PPFIA2: variants seen among roughly 807,000 people sequenced by gnomAD.
The protein encoded by PPFIA2 is liprin-alpha-2.
A neutral mutation model predicts 175.5 loss-of-function variants in PPFIA2; 46 were observed. The ratio of observed to expected loss-of-function variants is 0.26; its 90% CI spans 0.21 to 0.34. The LOEUF (loss-of-function observed/expected upper bound fraction) is 0.34, where lower values mean the gene tolerates loss of function less well. PPFIA2 is among the 10% of genes least tolerant of loss of function. PPFIA2 has a pLI of 1.00. For synonymous variants in PPFIA2, 568 were observed against 511.4 expected, an observed-to-expected ratio of 1.11 and a Z score of -1.49; for missense variants, 1,179 against 1,506.1, an observed-to-expected ratio of 0.78 and a Z score of 3.60.
chr12:81,453,955 T>C (rs1348978719), intron 5 of PPFIA2, among the ~76,000 whole-genome samples: 2 of 152,182 alleles, frequency 1.3e-5, no homozygotes, highest in Admixed American at 6.5e-5. Flanking sequence ...CAGTGGCTCA[T>C]GCCTGTAATC....
At chr12:81,421,892 G>T (rs1027767051) in intron 7 of PPFIA2, among the ~76,000 whole-genome samples, 3 of 151,788 alleles carry the variant, frequency 2.0e-5, no homozygotes, top group Non-Finnish European at 4.4e-5. Context: ...CCAAAAGAAA[G>T]CTAGGGGTAG....
rs1027143656 is a variant in PPFIA2 at position 81,295,302 on chromosome 12, G to A, written c.2725-267C>T. On this transcript the variant is annotated intron_variant, in intron 23 of 32. Coordinates refer to ENST00000549396, the MANE Select transcript of PPFIA2 (RefSeq NM_003625.5). ...CTATTTTAACTAATTCATATTACTA[G>A]TGGTAAAAGTAATGGCTGCATGGCA... Among the ~76,000 whole-genome samples, 4 of 152,218 alleles carry A rather than the reference G, an allele frequency of 2.6e-5. No individual in the cohort carries two copies. The East Asian group carries it at 7.7e-4, about 29-fold the overall frequency.
intron 9 of PPFIA2, among the ~76,000 whole-genome samples, chr12:81,383,034 A>T (rs2038094723): frequency 6.6e-6 from 1 of 152,148 alleles, no homozygotes; most frequent in African/African-American, 2.4e-5. Flanking sequence ...GTCCTCTGGA[A>T]AATGGATCAA....
chr12:81,701,632 G>C (rs1412052988), intron 3 of PPFIA2, among the ~76,000 whole-genome samples: 3 of 151,770 alleles, frequency 2.0e-5, no homozygotes, highest in Admixed American at 6.6e-5. Context: ...TGACTAAATG[G>C]GTTGTGAAAT....
At chr12:81,576,539 T>C (rs2073582695) in intron 4 of PPFIA2, among the ~76,000 whole-genome samples, 1 of 151,822 alleles carries the variant, frequency 6.6e-6, no homozygotes. Context: ...CTGGGTCTCA[T>C]GCATGACTAA....
chr12:81,639,770 T>C (rs1336465269), intron 4 of PPFIA2, among the ~76,000 whole-genome samples: 1 of 152,144 alleles, frequency 6.6e-6, no homozygotes, highest in African/African-American at 2.4e-5. Context: ...ATATAATATT[T>C]CACTGTAGAA....
At chr12:81,544,000 T>C (rs2153350003) in intron 4 of PPFIA2, among the ~76,000 whole-genome samples, 1 of 152,248 alleles carries the variant, frequency 6.6e-6, no homozygotes, top group South Asian at 2.1e-4. Context: ...TGTGGTATCC[T>C]GGAAGAGATC....
At chr12:81,756,559 C>T (rs2084702228) in intron 2 of PPFIA2, among the ~76,000 whole-genome samples, 1 of 151,950 alleles carries the variant, frequency 6.6e-6, no homozygotes, top group African/African-American at 2.4e-5. Flanking sequence ...AATCTACACT[C>T]AAAAGAACTT....
intron 4 of PPFIA2, among the ~76,000 whole-genome samples, chr12:81,643,939 C>A (rs555267809): frequency 6.6e-6 from 1 of 151,856 alleles, no homozygotes; most frequent in Non-Finnish European, 1.5e-5. Flanking sequence ...GGAATAGCAA[C>A]AAACTTTTCC....
intron 3 of PPFIA2, among the ~76,000 whole-genome samples, chr12:81,736,468 A>G (rs1799446060): frequency 6.6e-6 from 1 of 152,104 alleles, no homozygotes; most frequent in East Asian, 1.9e-4. Context: ...CATTTTAATA[A>G]AGGCAGTAAC....
chr12:81,613,708 A>G (rs2061160769), intron 4 of PPFIA2, among the ~76,000 whole-genome samples: 1 of 152,146 alleles, frequency 6.6e-6, no homozygotes, highest in Non-Finnish European at 1.5e-5. Flanking sequence ...TATGGAATCT[A>G]TGGAACTTCT....
intron 4 of PPFIA2, among the ~76,000 whole-genome samples, chr12:81,636,084 T>C (rs557415377): frequency 6.6e-6 from 1 of 152,304 alleles, no homozygotes; most frequent in East Asian, 1.9e-4. Context: ...AAAGTAACAC[T>C]CACTGTTAAA....
intron 17 of PPFIA2, among the ~76,000 whole-genome samples, chr12:81,352,377 CAGAG>C (rs112117854): frequency 6.0e-4 from 87 of 144,994 alleles, no homozygotes; most frequent in African/African-American, 6.8e-4. Flanking sequence ...GGGGGGCAGA[CAGAG>C]AGAGAGAGAG....
intron 8 of PPFIA2, among the ~76,000 whole-genome samples, chr12:81,395,930 G>C (rs565428352): frequency 6.6e-6 from 1 of 152,078 alleles, no homozygotes; most frequent in Admixed American, 6.6e-5. Context: ...CCCTCTTCCA[G>C]TCTAATACAT....
At chr12:81,472,216 G>T (rs949703617) in intron 4 of PPFIA2, among the ~76,000 whole-genome samples, 1 of 152,128 alleles carries the variant, frequency 6.6e-6, no homozygotes, top group Non-Finnish European at 1.5e-5. Context: ...GAGATTGGAG[G>T]AGGTGAGAGC....
At chr12:81,675,354 C>G (rs747746552) in intron 4 of PPFIA2, 1 of 151,892 alleles carries the variant, frequency 6.6e-6, no homozygotes, top group Non-Finnish European at 1.5e-5. Context: ...TTTCTCCCTG[C>G]AAAAGGATTT....
At chr12:81,369,063 G>A (rs375996208) in intron 12 of PPFIA2, 48 bp downstream of exon 12, 203 of 1,453,262 alleles carry the variant, frequency 1.4e-4, no homozygotes, top group Admixed American at 3.2e-4. Context: ...TACAGAATAC[G>A]AATTCATAAA....
chr12:81,636,492 C>T (rs191964135), intron 4 of PPFIA2, among the ~76,000 whole-genome samples: 158 of 151,028 alleles, frequency 1.0e-3, no homozygotes, highest in Non-Finnish European at 1.3e-3. Context: ...GTCTCGATCT[C>T]CTGACCTCGT....
intron 24 of PPFIA2, among the ~76,000 whole-genome samples, chr12:81,287,125 C>T (rs1335160373): frequency 1.3e-5 from 2 of 151,746 alleles, no homozygotes; most frequent in African/African-American, 2.4e-5. Context: ...ACTGTTGGTT[C>T]AAAGTGAGTT....
Sources: gnomAD v4.1 joint callset for allele counts (sites outside exome capture counted in the v4.1 genomes callset) on GRCh38, gnomAD v4.1.1 for gene constraint, MANE v1.5 for transcripts, NCBI Gene and HGNC (gene_info 2026-07-23, HGNC 2026-07-21) for gene names.